Variants in ASIC2 observed in about 807,000 individuals in gnomAD.
The protein encoded by ASIC2 is acid-sensing ion channel 2.
ASIC2 carries 25 observed loss-of-function variants against 57.3 expected under a neutral mutation model. The observed-to-expected ratio is 0.44, with a 90% CI of 0.32 to 0.61. The LOEUF (loss-of-function observed/expected upper bound fraction) is 0.61. Among genes scored for constraint, ASIC2 ranks in the 20% least tolerant of loss-of-function variants. The pLI is 0.06. For missense variants in ASIC2, 641 were observed against 738.1 expected (o/e 0.87, Z 1.52); for synonymous variants, 319 against 307.5 (o/e 1.04, Z -0.39).
intron 1 of ASIC2, among the ~76,000 whole-genome samples, chr17:33,871,048 T>C (rs1914390939): frequency 2.0e-5 from 3 of 152,194 alleles, no homozygotes; most frequent in African/African-American, 7.2e-5. Context: ...GGTTTTCCTT[T>C]TGTGCAAGAT....
At chr17:33,133,232 AAGAGGGCACAGCATGAGC>A (rs2092354267) in intron 1 of ASIC2, among the ~76,000 whole-genome samples, 2 of 152,142 alleles carry the variant, frequency 1.3e-5, no homozygotes, top group Admixed American at 6.5e-5. Flanking sequence ...TGGGGAAGGG[AAGAGGGCACAGCATGAGC>A]AGAGGGCACA....
chr17:33,785,240 C>A (rs1911567950), intron 1 of ASIC2, among the ~76,000 whole-genome samples: 1 of 152,014 alleles, frequency 6.6e-6, no homozygotes. Context: ...ATCTACAAGC[C>A]AAGAAGAGAG....
intron 1 of ASIC2, among the ~76,000 whole-genome samples, chr17:33,889,230 AC>A (rs1004299204): frequency 6.6e-6 from 1 of 151,816 alleles, no homozygotes; most frequent in Non-Finnish European, 1.5e-5. Context: ...ATCTGGTTCA[AC>A]CCCCCCTCGT....
At chr17:33,754,283 A>C (rs1156866298) in intron 1 of ASIC2, among the ~76,000 whole-genome samples, 1 of 152,080 alleles carries the variant, frequency 6.6e-6, no homozygotes, top group Non-Finnish European at 1.5e-5. Flanking sequence ...TGGAGAGTCC[A>C]TCCGAGTTGG....
intron 1 of ASIC2, among the ~76,000 whole-genome samples, chr17:33,596,698 C>T (rs1237455483): frequency 6.6e-6 from 1 of 152,146 alleles, no homozygotes; most frequent in East Asian, 1.9e-4. Flanking sequence ...CTTCCTTTTC[C>T]TTCATCCTCT....
intron 1 of ASIC2, among the ~76,000 whole-genome samples, chr17:34,019,728 A>G (rs145259106): frequency 1.9e-3 from 288 of 152,324 alleles, no homozygotes; most frequent in African/African-American, 6.7e-3. Flanking sequence ...GACTCACTTT[A>G]TTGTGACATT....
intron 1 of ASIC2, among the ~76,000 whole-genome samples, chr17:33,933,333 C>A (rs1457464462): frequency 6.6e-6 from 1 of 152,204 alleles, no homozygotes; most frequent in Non-Finnish European, 1.5e-5. Context: ...CATTGAATTG[C>A]ATGTTTACTT....
At chr17:33,733,120 A>AAGAT (rs1475161990) in intron 1 of ASIC2, among the ~76,000 whole-genome samples, 1 of 152,206 alleles carries the variant, frequency 6.6e-6, no homozygotes, top group Non-Finnish European at 1.5e-5. Flanking sequence ...TGTTTATTAA[A>AAGAT]AGATAGATAG....
intron 1 of ASIC2, among the ~76,000 whole-genome samples, chr17:34,103,551 A>C (rs549657461): frequency 2.6e-5 from 4 of 152,052 alleles, no homozygotes; most frequent in Admixed American, 6.6e-5. Context: ...TCCTGTAAAC[A>C]TATTTCCCTG....
intron 1 of ASIC2, among the ~76,000 whole-genome samples, chr17:33,447,762 G>T (rs1912079790): frequency 6.6e-6 from 1 of 152,022 alleles, no homozygotes; most frequent in South Asian, 2.1e-4. Flanking sequence ...TACTTGCCAA[G>T]GATAAACTAG....
At chr17:33,168,163 C>T (rs1235536284) in intron 1 of ASIC2, among the ~76,000 whole-genome samples, 2 of 152,204 alleles carry the variant, frequency 1.3e-5, no homozygotes, top group Non-Finnish European at 2.9e-5. Context: ...ATGCTGGTGC[C>T]ATGATCTTGG....
chr17:33,946,358 G>C (rs1021054677), intron 1 of ASIC2, among the ~76,000 whole-genome samples: 3 of 152,150 alleles, frequency 2.0e-5, no homozygotes, highest in African/African-American at 7.2e-5. Flanking sequence ...AGTGCCCTCT[G>C]CTGTAGCAAA....
intron 1 of ASIC2, among the ~76,000 whole-genome samples, chr17:33,891,250 A>G (rs138092885): frequency 6.6e-6 from 1 of 152,330 alleles, no homozygotes; most frequent in East Asian, 1.9e-4. Flanking sequence ...CCCAAGTCTT[A>G]GTGTGAACTC....
chr17:33,565,652 C>T (rs1916211108), intron 1 of ASIC2: 1 of 152,178 alleles, frequency 6.6e-6, no homozygotes, highest in Admixed American at 6.5e-5. Context: ...GAGGATAATC[C>T]CATTCCCCCT....
intron 1 of ASIC2, among the ~76,000 whole-genome samples, chr17:34,078,620 G>T (rs1231241869): frequency 6.6e-6 from 1 of 152,170 alleles, no homozygotes; most frequent in African/African-American, 2.4e-5. Context: ...TAAAGGGATT[G>T]CCATAGAAAC....
In ASIC2 at chr17:34,009,640, G is replaced by T. The variant is rs540093933; in HGVS notation, c.555+146338C>A. On this transcript the variant is annotated intron_variant, in intron 1 of 9. Coordinates refer to the ASIC2 transcript ENST00000359872. ...CATTATATTTCTATTAGACAGCTCT[G>T]CTCTGAGGGAAGTAAGTACCATTTA... 2.6e-5 allele frequency among the ~76,000 whole-genome samples: 4 copies of T among 152,260 alleles called. No individual in the cohort carries two copies. In the South Asian group the frequency reaches 8.3e-4, roughly 32 times the overall value.
intron 3 of ASIC2, among the ~76,000 whole-genome samples, chr17:33,070,088 C>G (rs2092061820): frequency 1.3e-5 from 2 of 152,140 alleles, no homozygotes; most frequent in South Asian, 4.1e-4. Flanking sequence ...TTTAAGTCAT[C>G]ATAGTCTACC....
chr17:33,459,241 C>T (rs1912554518), intron 1 of ASIC2, among the ~76,000 whole-genome samples: 2 of 151,954 alleles, frequency 1.3e-5, no homozygotes, highest in African/African-American at 4.8e-5. Flanking sequence ...TACCTGTCCA[C>T]GACGGGGTCG....
At chr17:34,148,004 A>G (rs907159644) in intron 1 of ASIC2, among the ~76,000 whole-genome samples, 1 of 152,202 alleles carries the variant, frequency 6.6e-6, no homozygotes, top group Admixed American at 6.5e-5. Context: ...ACTAGGATTC[A>G]CTTTACCAAA....
Sources: allele counts gnomAD v4.1 joint callset (sites outside exome capture counted in the v4.1 genomes callset), GRCh38; gene constraint gnomAD v4.1.1; transcripts MANE v1.5; gene names NCBI Gene and HGNC (gene_info 2026-07-23, HGNC 2026-07-21).